KIF7: variants seen among roughly 807,000 people sequenced by gnomAD.
The protein encoded by KIF7 is kinesin family member 7.
KIF7 carries 104 observed loss-of-function variants against 135.7 expected under a neutral mutation model. That is an observed-to-expected ratio of 0.77 (90% CI 0.65 to 0.90). The LOEUF is 0.90. Among genes scored for constraint, KIF7 ranks in the 40% least tolerant of loss-of-function variants. The pLI, the probability that KIF7 is intolerant of heterozygous loss-of-function variation, is 0.00. For synonymous variants in KIF7, 883 were observed against 809.4 expected (o/e 1.09, Z -1.54); for missense variants, 2,005 against 1,839.1 (o/e 1.09, Z -1.65).
At chr15:89,631,761 A>AG in intron 14 of KIF7, 51 bp from the exon 15 acceptor site, 4 of 1,454,688 alleles carry the variant, frequency 2.7e-6, no homozygotes, top group South Asian at 1.3e-5. Flanking sequence ...CTGTCCTCAC[A>AG]GGGGGGACAG....
chr15:89,648,618 C>G lies in KIF7; in HGVS notation c.1080G>C (p.Glu360Asp). 6.5e-7 allele frequency: 1 copy of G among 1,534,360 alleles called. No homozygotes were observed. The highest frequency in any genetic ancestry group is 8.7e-7 in the Non-Finnish European group (1 of 1,145,588). ...CCGTCTCTTCGGGTGGCCGCTCGGC[C>G]TCGGGCCGCCAGTTGACCGTGGCGC... ...RNRATVNWRP[E>D]AERPPEETAS... The change falls in exon 5 of 19, where the codon GAG becomes GAC. Residue 360 changes from glutamate to aspartate, a missense_variant. By Grantham distance (45) the Glu-to-Asp change is conservative (BLOSUM62 2). Coordinates refer to ENST00000394412, the MANE Select transcript of KIF7 (RefSeq NM_198525.3).
chr15:89,628,953 T>C, intron 18 of KIF7, 23 bp downstream of exon 18: 1 of 1,613,870 alleles, frequency 6.2e-7, no homozygotes, highest in Non-Finnish European at 8.5e-7. Context: ...CAGGTCTGAC[T>C]TCAGAGCGCG....
At position 89,633,080 on chromosome 15, in the gene KIF7, A is replaced by C; in HGVS notation, c.2718+61T>G. On this transcript the variant is annotated intron_variant, in intron 13 of 18. Coordinates refer to ENST00000394412, the MANE Select transcript of KIF7 (RefSeq NM_198525.3). ...CGCCACTCGAGGTTCACTGGGGAGA[A>C]AGGTGCACCCACCAGCCAGCCCCCA... 2.5e-6 allele frequency: 4 copies of C among 1,600,428 alleles called. No individual in the cohort carries two copies. The Admixed American group carries it at 6.7e-5, about 27-fold the overall frequency.
chr15:89,640,825 A>T (rs1596073419), intron 11 of KIF7, among the ~76,000 whole-genome samples: 1 of 7,106 alleles, frequency 1.4e-4, no homozygotes, highest in Admixed American at 1.1e-3. Flanking sequence ...GTCTCTACTT[A>T]AAAAAAAAAA....
intron 11 of KIF7, among the ~76,000 whole-genome samples, chr15:89,640,363 C>G (rs1311169626): frequency 1.3e-5 from 2 of 152,056 alleles, no homozygotes; most frequent in African/African-American, 4.8e-5. Flanking sequence ...CATTTACGCA[C>G]CAGGCACCAC....
At chr15:89,625,755 C>T, downstream of KIF7, 1 of 1,608,558 alleles carries the variant, frequency 6.2e-7, no homozygotes, top group Non-Finnish European at 8.5e-7. Flanking sequence ...GGCAGCTACC[C>T]TCCACGGGAG....
At chr15:89,624,451 G>A, downstream of KIF7, 2 of 1,614,140 alleles carry the variant, frequency 1.2e-6, no homozygotes, top group South Asian at 1.1e-5. Flanking sequence ...CCCTTCTAAA[G>A]TTGGGAAACG....
At chr15:89,660,477 T>C in the KIF7 span, among the ~76,000 whole-genome samples, 1 of 152,234 alleles carries the variant, frequency 6.6e-6, no homozygotes, top group East Asian at 1.9e-4. Context: ...CTTGTTCTTT[T>C]CTGTGGCTAG....
Position 89,630,642 on chromosome 15 carries a change from C to T in KIF7, c.3112-149G>A, listed in dbSNP as rs1191141604. 2.4e-5 allele frequency: 17 copies of T among 710,972 alleles called. No homozygotes were observed. In the East Asian group the frequency reaches 4.0e-4, roughly 17 times the overall value. The allele number at this position is 710,972 out of a possible 1,614,324, so 44.0% of individuals were successfully genotyped here. On this transcript the variant is annotated intron_variant, in intron 15 of 18. Coordinates refer to ENST00000394412, the MANE Select transcript of KIF7 (RefSeq NM_198525.3). ...CAAGTCAGCCCATCGAGAGAGGTGCCCCCTGCTCACTGTCACAGCCCCAAC... is the reference window on the plus strand; with the variant it reads ...CAAGTCAGCCCATCGAGAGAGGTGCTCCCTGCTCACTGTCACAGCCCCAAC...
chr15:89,645,150 T>C lies in KIF7; in HGVS notation c.2054A>G (p.Lys685Arg). 1.2e-6 allele frequency: 2 copies of C among 1,604,482 alleles called. No homozygotes were observed. Among genetic ancestry groups the C allele is most frequent in the South Asian group, 1.1e-5 (1 of 91,086 alleles). Reference sequence around the variant, plus strand: ...GACCTGGCGGGCCTGAACTCGGGCCTTGCTCCCACCAACTGCTGCAACAGG... The same window carrying C: ...GACCTGGCGGGCCTGAACTCGGGCCCTGCTCCCACCAACTGCTGCAACAGG... ...IPGSRAVGGS[K>R]ARVQARQVPP... The change falls in exon 10 of 19, where the codon AAG (lysine) becomes AGG (arginine). Residue 685 changes from lysine (K) to arginine (R), a missense_variant. Coordinates refer to ENST00000394412, the MANE Select transcript of KIF7 (RefSeq NM_198525.3).
Position 89,628,396 on chromosome 15 carries a change from A to G in KIF7, c.*23T>C, listed in dbSNP as rs764190239. 2.5e-6 allele frequency: 4 copies of G among 1,587,522 alleles called. No individual in the cohort carries two copies. In the South Asian group the frequency reaches 4.6e-5, roughly 18 times the overall value. On this transcript the variant is annotated 3_prime_UTR_variant, in exon 19 of 19. Coordinates refer to ENST00000394412, the MANE Select transcript of KIF7 (RefSeq NM_198525.3). ...TTCAGCAGGCTCGGAGTCTCCCTCC[A>G]AGGCAGGGTCTGCCCCGAGGGCTTA...
chr15:89,639,535 G>GA (rs1401935903), intron 11 of KIF7, among the ~76,000 whole-genome samples: 4 of 130,232 alleles, frequency 3.1e-5, no homozygotes, highest in Non-Finnish European at 4.9e-5. Context: ...AAAAACACAT[G>GA]AAAAAATGCT....
chr15:89,619,649 T>G, intron 1 of KIF7: 31 of 1,549,602 alleles, frequency 2.0e-5, no homozygotes, highest in Non-Finnish European at 2.7e-5. Flanking sequence ...TTGGACAACA[T>G]GAGAAAATGT....
downstream of KIF7, chr15:89,627,137 G>A: frequency 6.2e-7 from 1 of 1,605,976 alleles, no homozygotes; most frequent in Non-Finnish European, 8.5e-7. Flanking sequence ...AGGACCCTGT[G>A]GACATAAAGA....
downstream of KIF7, chr15:89,626,126 C>G: frequency 7.0e-6 from 11 of 1,582,372 alleles, no homozygotes. Flanking sequence ...CCAGGGTTGC[C>G]AGGCAGCTCG....
At chr15:89,619,760 A>G in intron 1 of KIF7, 1 of 1,613,998 alleles carries the variant, frequency 6.2e-7, no homozygotes, top group Admixed American at 1.7e-5. Context: ...TTAGCAGGAC[A>G]CATTCTGCCT....
downstream of KIF7, chr15:89,624,607 TCTC>T (rs533002408): frequency 1.3e-3 from 2,068 of 1,613,922 alleles, 8 homozygotes; most frequent in Non-Finnish European, 1.0e-3. Flanking sequence ...CTCTCCTCAG[TCTC>T]CTCCTGAAAG....
chr15:89,621,076 A>G (rs959402575), intron 1 of KIF7, among the ~76,000 whole-genome samples: 12 of 144,292 alleles, frequency 8.3e-5, no homozygotes, highest in Non-Finnish European at 1.2e-4. Context: ...CTGGAGTGCA[A>G]TGGTGCAATG....
chr15:89,620,805 C>T (rs1963411635), intron 1 of KIF7, among the ~76,000 whole-genome samples: 1 of 152,088 alleles, frequency 6.6e-6, no homozygotes, highest in Non-Finnish European at 1.5e-5. Context: ...TCACTGCAAG[C>T]TCTGCCTCCC....
Sources: allele counts gnomAD v4.1 joint callset (sites outside exome capture counted in the v4.1 genomes callset), GRCh38; gene constraint gnomAD v4.1.1; transcripts MANE v1.5; gene names NCBI Gene and HGNC (gene_info 2026-07-23, HGNC 2026-07-21).